The following FLYWCH2 variants were observed in gnomAD, a reference collection of about 807,000 sequenced individuals.
The protein encoded by FLYWCH2 is FLYWCH family member 2.
A neutral mutation model predicts 6.0 loss-of-function variants in FLYWCH2; 2 were observed. The observed-to-expected ratio is 0.33, with a 90% confidence interval of 0.14 to 1.04. FLYWCH2 has a LOEUF of 1.04. FLYWCH2 is among the 50% of genes least tolerant of loss of function. The probability of loss-of-function intolerance (pLI) is 0.45; values close to 1 mark genes in which losing one functional copy is unlikely to be tolerated. For synonymous variants in FLYWCH2, 87 were observed against 79.3 expected (o/e 1.10, Z -0.52); for missense variants, 192 against 183.4 (o/e 1.05, Z -0.27).
At chr16:2,890,318 G>T (rs891064043) in intron 1 of FLYWCH2, among the ~76,000 whole-genome samples, 1 of 150,666 alleles carries the variant, frequency 6.6e-6, no homozygotes, top group Admixed American at 6.6e-5. Context: ...GTGAGATCTT[G>T]GCTCACTGCA....
At chr16:2,884,571 AAAAAAAT>A (rs1173389942) in intron 1 of FLYWCH2, among the ~76,000 whole-genome samples, 1 of 144,542 alleles carries the variant, frequency 6.9e-6, no homozygotes, top group Non-Finnish European at 1.5e-5. Flanking sequence ...AAAAAAAAAA[AAAAAAAT>A]ACAAAAATTA....
intron 1 of FLYWCH2, among the ~76,000 whole-genome samples, chr16:2,894,761 T>G (rs9673454): frequency 0.44 from 65,448 of 150,190 alleles, 14,312 homozygotes; most frequent in Non-Finnish European, 0.46. Context: ...GTCAGAGGAC[T>G]ACAGAGGGAA....
In FLYWCH2 at chr16:2,899,134, C is replaced by T. The variant is rs141682013; in HGVS notation, c.408C>T (p.Pro136=). 4.1e-4 allele frequency: 657 copies of T among 1,613,068 alleles called. No homozygotes were observed. The African/African-American group carries it at 7.4e-3, about 18-fold the overall frequency. Residue 136 remains proline, a synonymous_variant, in exon 4 of 4, where the codon CCC becomes CCT. Transcript: ENST00000396958. The stretch of plus-strand genomic sequence containing the variant: ...ACTTTGCCCCCTGCTCTGTGGCGCC[C>T]GGCAAGTCCCTGTAACCTTGACAAC... ...GENFAPCSVA[P]GKSL
In FLYWCH2 at chr16:2,896,426, G is replaced by A. The variant is rs781264432; in HGVS notation, c.-24G>A. 1 of 1,592,572 alleles carries A rather than the reference G, an allele frequency of 6.3e-7. No homozygotes were observed. Among genetic ancestry groups the A allele is most frequent in the Non-Finnish European group, 8.5e-7 (1 of 1,170,052 alleles). ...ACCTGCTGGGGGCTGAGTGTGGCCT[G>A]AGGGACAGGCCCTGGGTCCCGGGAT... On this transcript the variant is annotated 5_prime_UTR_variant, in exon 3 of 4. Coordinates refer to ENST00000396958, the MANE Select transcript of FLYWCH2 (RefSeq NM_138439.3).
chr16:2,893,478 C>T (rs77890593), intron 1 of FLYWCH2, among the ~76,000 whole-genome samples: 15,845 of 152,184 alleles, frequency 0.1, 930 homozygotes, highest in African/African-American at 0.15. Context: ...ACGTATTTCA[C>T]GATTCCCTTC....
Position 2,896,844 on chromosome 16 carries a change from A to T in FLYWCH2, c.322+73A>T, listed in dbSNP as rs998017056. The stretch of plus-strand genomic sequence containing the variant: ...TGGCCCCCACAGCCGCGCTGGCTCC[A>T]TCAGGCGCTTCTCCCTGGCATGCGG... On this transcript the variant is annotated intron_variant, in intron 3 of 3. Coordinates refer to ENST00000396958, the MANE Select transcript of FLYWCH2 (RefSeq NM_138439.3). The T allele has an allele frequency of 8.0e-6, 11 of 1,376,278 alleles. No individual in the cohort carries two copies. The African/African-American group carries it at 1.2e-4, about 14-fold the overall frequency. 85.3% of individuals were successfully genotyped at this position (1,376,278 alleles called of 1,614,324 possible).
chr16:2,888,717 C>A (rs1429819675), intron 1 of FLYWCH2, among the ~76,000 whole-genome samples: 1 of 152,060 alleles, frequency 6.6e-6, no homozygotes, highest in East Asian at 1.9e-4. Flanking sequence ...AGCCTCTTAT[C>A]CTGGAGGAAG....
chr16:2,884,690 C>T (rs1460390263), intron 1 of FLYWCH2, among the ~76,000 whole-genome samples: 2 of 150,366 alleles, frequency 1.3e-5, no homozygotes, highest in Non-Finnish European at 3.0e-5. Context: ...GCCTGACCAA[C>T]ATGGAGAAAC....
At chr16:2,896,918 G>A (rs1471510707) in intron 3 of FLYWCH2, 147 bp downstream of exon 3, 3 of 791,216 alleles carry the variant, frequency 3.8e-6, no homozygotes, top group Non-Finnish European at 5.9e-6. Flanking sequence ...TGGCACAGGG[G>A]TTAGGGCACA....
intron 3 of FLYWCH2, chr16:2,898,789 G>A (rs1026435734): frequency 1.4e-5 from 5 of 366,708 alleles, no homozygotes; most frequent in South Asian, 6.5e-5. Flanking sequence ...CAGCAGAGGC[G>A]ATGGCTGCGG....
At chr16:2,888,069 C>T (rs927039822) in intron 1 of FLYWCH2, among the ~76,000 whole-genome samples, 7 of 151,820 alleles carry the variant, frequency 4.6e-5, no homozygotes. Flanking sequence ...AGTGTAGTGG[C>T]GTGATCTCGG....
Position 2,899,110 on chromosome 16 carries a change from C to T in FLYWCH2, c.384C>T (p.Asn128=), listed in dbSNP as rs1426285295. The T allele has an allele frequency of 1.9e-6, 3 of 1,613,752 alleles. No homozygotes were observed. In the South Asian group the frequency reaches 3.3e-5, roughly 18 times the overall value. The change falls in exon 4 of 4, where the codon AAC becomes AAT. Residue 128 remains asparagine, a synonymous_variant. Coordinates refer to ENST00000396958, the MANE Select transcript of FLYWCH2 (RefSeq NM_138439.3). ...GGCCTCCTGAGGCTGCTGGGGAGAACTTTGCCCCCTGCTCTGTGGCGCCCG... is the reference window on the plus strand; with the variant it reads ...GGCCTCCTGAGGCTGCTGGGGAGAATTTTGCCCCCTGCTCTGTGGCGCCCG... The part of the protein sequence containing the change: ...AAGPPEAAGE[N]FAPCSVAPGK...
At chr16:2,898,212 G>T (rs1326823509) in intron 3 of FLYWCH2, among the ~76,000 whole-genome samples, 1 of 152,172 alleles carries the variant, frequency 6.6e-6, no homozygotes, top group Admixed American at 6.5e-5. Context: ...AGCTTTCAAG[G>T]AACCTAATGG....
At chr16:2,884,891 A>AC (rs1166104832) in intron 1 of FLYWCH2, among the ~76,000 whole-genome samples, 14 of 151,820 alleles carry the variant, frequency 9.2e-5, no homozygotes, top group East Asian at 3.9e-4. Context: ...AAAAACAAAA[A>AC]AAAAACTCCG....
At chr16:2,885,207 AG>A (rs1315501717) in intron 1 of FLYWCH2, among the ~76,000 whole-genome samples, 1 of 152,060 alleles carries the variant, frequency 6.6e-6, no homozygotes, top group African/African-American at 2.4e-5. Flanking sequence ...CTGTAGTCCC[AG>A]CTACTCCGGA....
intron 1 of FLYWCH2, among the ~76,000 whole-genome samples, chr16:2,893,741 C>T (rs964189488): frequency 1.3e-5 from 2 of 151,286 alleles, no homozygotes; most frequent in Admixed American, 1.3e-4. Flanking sequence ...AGGTTCACGC[C>T]ATTCTCCTGC....
Position 2,889,171 on chromosome 16 carries a change from G to A in FLYWCH2, c.-200+5805G>A, listed in dbSNP as rs575439276. 8.7e-4 allele frequency among the ~76,000 whole-genome samples: 125 copies of A among 144,216 alleles called. 1 individual carries two copies. Among genetic ancestry groups the A allele is most frequent in the African/African-American group, 3.0e-3 (118 of 38,840 alleles). The allele number at this position is 144,216 out of a possible 152,430, so 94.6% of individuals were successfully genotyped here. A position where few individuals can be genotyped will look rare whatever the true frequency, so the allele number is the denominator to read the frequency against. ...GTTGTTTGTGTGTGTGTATACATGT[G>A]TATACAGTCATTTTTCAATCTGTTC... is the stretch of plus-strand genomic sequence containing the variant. On this transcript the variant is annotated intron_variant, in intron 1 of 3. Coordinates refer to ENST00000396958, the MANE Select transcript of FLYWCH2 (RefSeq NM_138439.3).
Position 2,896,412 on chromosome 16 carries a change from G to A in FLYWCH2, c.-38G>A. 2 of 1,568,720 alleles carry A rather than the reference G, an allele frequency of 1.3e-6. No individual in the cohort carries two copies. The highest frequency in any genetic ancestry group is 1.9e-5 in the Admixed American group (1 of 53,726). ...AGTAGGAGAAATCCACCTGCTGGGG[G>A]CTGAGTGTGGCCTGAGGGACAGGCC... On this transcript the variant is annotated 5_prime_UTR_variant, in exon 3 of 4. Transcript: ENST00000396958.
At position 2,896,454 on chromosome 16, in the gene FLYWCH2, C is replaced by T. The variant is rs746372108; in HGVS notation, c.5C>T (p.Pro2Leu). MPLPEPSEQEGE... is the reference protein window; with the variant it reads MLLPEPSEQEGE... Reference sequence around the variant, plus strand: ...GGACAGGCCCTGGGTCCCGGGATGCCCCTGCCCGAGCCCAGCGAGCAGGAG... The same window carrying T: ...GGACAGGCCCTGGGTCCCGGGATGCTCCTGCCCGAGCCCAGCGAGCAGGAG... Residue 2 changes from proline to leucine, a missense_variant, in exon 3 of 4, where the codon CCC (proline) becomes CTC (leucine). Physicochemically the swap from Pro to Leu is moderately conservative, Grantham distance 98 (BLOSUM62 -3). Transcript: ENST00000396958. 2 of 1,611,016 alleles carry T rather than the reference C, an allele frequency of 1.2e-6. No homozygotes were observed. The highest frequency in any genetic ancestry group is 1.7e-6 in the Non-Finnish European group (2 of 1,178,432).
Sources: gnomAD v4.1 joint callset for allele counts (sites outside exome capture counted in the v4.1 genomes callset) on GRCh38, gnomAD v4.1.1 for gene constraint, MANE v1.5 for transcripts, NCBI Gene and HGNC (gene_info 2026-07-23, HGNC 2026-07-21) for gene names.